Variants in NLGN1 observed in about 807,000 individuals in gnomAD.
NLGN1 encodes the protein neuroligin 1.
Under a neutral mutation model 65.5 loss-of-function variants are expected in NLGN1, and 12 were observed. The observed-to-expected ratio is 0.18, with a 90% CI of 0.12 to 0.30. The LOEUF is 0.30. NLGN1 is among the 10% of genes least tolerant of loss of function. The probability of loss-of-function intolerance (pLI) is 1.00; values close to 1 mark genes in which losing one functional copy is unlikely to be tolerated. For missense variants in NLGN1, 750 were observed against 1,007.1 expected, an observed-to-expected ratio of 0.74 and a Z score of 3.46; for synonymous variants, 350 against 359.5, an observed-to-expected ratio of 0.97 and a Z score of 0.30.
intron 3 of NLGN1, among the ~76,000 whole-genome samples, chr3:173,714,846 A>G (rs1414437359): frequency 2.0e-5 from 3 of 152,120 alleles, no homozygotes; most frequent in African/African-American, 7.2e-5. Flanking sequence ...GTAAATGAGC[A>G]GGGTAAAATG....
chr3:173,429,698 C>T (rs1716839163), intron 1 of NLGN1, among the ~76,000 whole-genome samples: 1 of 152,148 alleles, frequency 6.6e-6, no homozygotes, highest in Non-Finnish European at 1.5e-5. Context: ...AGAACACTGC[C>T]TCCTTTTCTG....
intron 4 of NLGN1, among the ~76,000 whole-genome samples, chr3:174,039,253 T>C (rs1023809399): frequency 2.6e-5 from 4 of 151,912 alleles, no homozygotes; most frequent in Non-Finnish European, 5.9e-5. Context: ...AAAATTTTTA[T>C]TTTTTAATCT....
At chr3:173,754,047 T>TTTG (rs1776732742) in intron 3 of NLGN1, among the ~76,000 whole-genome samples, 2 of 137,662 alleles carry the variant, frequency 1.5e-5, no homozygotes, top group East Asian at 2.1e-4. Context: ...TGTTTTTTTT[T>TTTG]TTGTTGTTGT....
intron 4 of NLGN1, among the ~76,000 whole-genome samples, chr3:173,994,820 A>G (rs969635778): frequency 5.9e-5 from 9 of 152,212 alleles, no homozygotes; most frequent in African/African-American, 2.2e-4. Context: ...AGATAATTAC[A>G]GTACTACAAA....
chr3:174,043,514 C>CT (rs1732822512), intron 4 of NLGN1, among the ~76,000 whole-genome samples: 1 of 152,168 alleles, frequency 6.6e-6, no homozygotes, highest in African/African-American at 2.4e-5. Context: ...AACAAAGGAG[C>CT]TACAGGCCCC....
At chr3:173,817,514 CAGGTAA>C (rs1450314935) in intron 4 of NLGN1, among the ~76,000 whole-genome samples, 1 of 152,120 alleles carries the variant, frequency 6.6e-6, no homozygotes, top group Non-Finnish European at 1.5e-5. Flanking sequence ...TGGACTCACT[CAGGTAA>C]GTATAAGAAT....
chr3:173,734,385 T>G (rs1773392115), intron 3 of NLGN1, among the ~76,000 whole-genome samples: 2 of 121,490 alleles, frequency 1.6e-5, no homozygotes, highest in Non-Finnish European at 3.4e-5. Context: ...AATTCTATTT[T>G]TTTTTTTTTT....
intron 2 of NLGN1, among the ~76,000 whole-genome samples, chr3:173,569,435 C>A (rs766500041): frequency 5.3e-5 from 8 of 151,872 alleles, no homozygotes; most frequent in Non-Finnish European, 1.0e-4. Flanking sequence ...CAAGTTCTAT[C>A]AAAAATCTTT....
chr3:173,949,439 G>T (rs1747779495), intron 4 of NLGN1, among the ~76,000 whole-genome samples: 2 of 152,222 alleles, frequency 1.3e-5, no homozygotes, highest in South Asian at 4.1e-4. Context: ...CATTTTGCAA[G>T]TCCTTCCTCT....
At chr3:173,449,635 G>T (rs1010139601) in intron 2 of NLGN1, among the ~76,000 whole-genome samples, 6 of 152,016 alleles carry the variant, frequency 3.9e-5, no homozygotes, top group African/African-American at 1.4e-4. Context: ...TTTCTGTCTC[G>T]TTGATCTGTC....
At chr3:173,836,920 A>G (rs1429418058) in intron 4 of NLGN1, among the ~76,000 whole-genome samples, 1 of 152,210 alleles carries the variant, frequency 6.6e-6, no homozygotes, top group Non-Finnish European at 1.5e-5. Flanking sequence ...GATGCTGAAT[A>G]TGTAATTGCT....
At chr3:173,612,795 A>T (rs1163531415) in intron 3 of NLGN1, among the ~76,000 whole-genome samples, 1 of 152,112 alleles carries the variant, frequency 6.6e-6, no homozygotes, top group African/African-American at 2.4e-5. Context: ...TCTGGAGACT[A>T]ACAAGTCTGA....
chr3:173,612,706 G>T (rs537705102), intron 3 of NLGN1, among the ~76,000 whole-genome samples: 4 of 152,154 alleles, frequency 2.6e-5, no homozygotes, highest in African/African-American at 9.6e-5. Context: ...TAAGGTCATT[G>T]TATCGCTTTG....
In NLGN1 at chr3:173,800,830, TA is replaced by T. The variant is rs750335878; in HGVS notation, c.494-6849del. On this transcript the variant is annotated intron_variant, in intron 3 of 6. Transcript: ENST00000457714. Reference sequence around the variant, plus strand: ...AAATGAAGGACAAGCTGAAAGCTAATATAAAGTGTTTCTTGAGCAATATATT... The same window carrying T: ...AAATGAAGGACAAGCTGAAAGCTAATTAAAGTGTTTCTTGAGCAATATATT... Among the ~76,000 whole-genome samples the T allele has an allele frequency of 3.0e-4, 46 of 152,016 alleles. 1 individual carries two copies. Among genetic ancestry groups the T allele is most frequent in the Non-Finnish European group, 1.3e-4 (9 of 67,858 alleles).
At chr3:174,103,367 T>C (rs1712985655) in intron 4 of NLGN1, among the ~76,000 whole-genome samples, 1 of 152,180 alleles carries the variant, frequency 6.6e-6, no homozygotes, top group Non-Finnish European at 1.5e-5. Flanking sequence ...GTTAGTTGTA[T>C]AGATAAAGGC....
chr3:174,225,781 G>A (rs1277361989), intron 4 of NLGN1, among the ~76,000 whole-genome samples: 2 of 152,078 alleles, frequency 1.3e-5, no homozygotes, highest in Non-Finnish European at 2.9e-5. Flanking sequence ...AATGCTAAGG[G>A]GGAGGAAAAA....
At chr3:173,803,609 CA>C (rs915490555) in intron 3 of NLGN1, among the ~76,000 whole-genome samples, 3 of 151,544 alleles carry the variant, frequency 2.0e-5, no homozygotes, top group South Asian at 2.1e-4. Context: ...TTCTGTCAAA[CA>C]AAAAAAATTA....
chr3:174,078,787 A>G (rs1307509347), intron 4 of NLGN1, among the ~76,000 whole-genome samples: 1 of 152,186 alleles, frequency 6.6e-6, no homozygotes, highest in Non-Finnish European at 1.5e-5. Flanking sequence ...CTGCTGTTTC[A>G]ACTTAGAAGA....
intron 3 of NLGN1, among the ~76,000 whole-genome samples, chr3:173,673,513 T>G (rs1182522433): frequency 1.3e-5 from 2 of 152,156 alleles, no homozygotes; most frequent in Non-Finnish European, 2.9e-5. Context: ...CTTACCATGA[T>G]TTTTGTAGTA....
Sources: gnomAD v4.1 joint callset for allele counts (sites outside exome capture counted in the v4.1 genomes callset) on GRCh38, gnomAD v4.1.1 for gene constraint, MANE v1.5 for transcripts, NCBI Gene and HGNC (gene_info 2026-07-23, HGNC 2026-07-21) for gene names.